Variants in RAP1GDS1 observed in about 807,000 individuals in gnomAD.
The protein encoded by RAP1GDS1 is Rap1 GTPase-GDP dissociation stimulator 1, also known as RAP1, GTP-GDP dissociation stimulator 1.
In RAP1GDS1, 35 loss-of-function variants were observed where a neutral mutation model predicts 71.1. That is an observed-to-expected ratio of 0.49 (90% CI 0.38 to 0.65). The LOEUF is 0.65. Ranked by LOEUF, RAP1GDS1 falls within the 30% of genes least tolerant of loss-of-function variation. The probability of loss-of-function intolerance (pLI) is 0.00; values close to 1 mark genes in which losing one functional copy is unlikely to be tolerated. For missense variants in RAP1GDS1, 663 were observed against 706.1 expected, an observed-to-expected ratio of 0.94 and a Z score of 0.69; for synonymous variants, 229 against 243.1, an observed-to-expected ratio of 0.94 and a Z score of 0.54.
intron 4 of RAP1GDS1, among the ~76,000 whole-genome samples, chr4:98,367,678 G>A (rs553013883): frequency 2.4e-4 from 37 of 152,332 alleles, no homozygotes; most frequent in Non-Finnish European, 4.7e-4. Context: ...TGTGAGACAT[G>A]GAGTCAAAAG....
At chr4:98,389,090 C>A (rs1015621039) in intron 5 of RAP1GDS1, among the ~76,000 whole-genome samples, 1 of 149,108 alleles carries the variant, frequency 6.7e-6, no homozygotes, top group African/African-American at 2.6e-5. Flanking sequence ...AAAATGCCAG[C>A]AGTTTTACCT....
At chr4:98,433,909 A>C in intron 12 of RAP1GDS1, 27 bp from the exon 13 acceptor site, 1 of 1,581,246 alleles carries the variant, frequency 6.3e-7, no homozygotes, top group Non-Finnish European at 8.7e-7. Context: ...ATTAAAGTCT[A>C]TAATTCTCTG....
Position 98,261,638 on chromosome 4 carries a change from A to G in RAP1GDS1, c.4+69A>G. 4 of 1,535,604 alleles carry G rather than the reference A, an allele frequency of 2.6e-6. No homozygotes were observed. The South Asian group carries it at 3.5e-5, about 13-fold the overall frequency. ...TTTCTCGGCGTGCTGCAGGGTGGGA[A>G]GCATTTCTCGCGCAAAGTTGCCGGA... On this transcript the variant is annotated intron_variant, in intron 1 of 14. Transcript: ENST00000408927.
chr4:98,381,525 G>A (rs1284972501), intron 5 of RAP1GDS1, among the ~76,000 whole-genome samples: 1 of 151,390 alleles, frequency 6.6e-6, no homozygotes, highest in Non-Finnish European at 1.5e-5. Context: ...CATCTTTACT[G>A]ACTCAGATTG....
intron 12 of RAP1GDS1, among the ~76,000 whole-genome samples, chr4:98,424,783 AAAAC>A (rs1297819986): frequency 1.3e-5 from 2 of 150,110 alleles, no homozygotes; most frequent in Admixed American, 6.8e-5. Context: ...AAAAAAAAAA[AAAAC>A]AAAGAAAACT....
chr4:98,279,658 G>A (rs1022913530), intron 1 of RAP1GDS1, among the ~76,000 whole-genome samples: 10 of 151,928 alleles, frequency 6.6e-5, no homozygotes, highest in African/African-American at 2.4e-4. Flanking sequence ...TGTGCACAAC[G>A]TACAGGTTTG....
chr4:98,287,480 G>T (rs763392137), intron 1 of RAP1GDS1, among the ~76,000 whole-genome samples: 1 of 152,128 alleles, frequency 6.6e-6, no homozygotes, highest in South Asian at 2.1e-4. Context: ...GGATAGATGT[G>T]TGTGTAAGTG....
intron 5 of RAP1GDS1, among the ~76,000 whole-genome samples, chr4:98,385,579 A>T (rs1214836632): frequency 2.0e-5 from 3 of 151,944 alleles, no homozygotes; most frequent in Admixed American, 6.6e-5. Flanking sequence ...TATGAAGATT[A>T]TTAATCCTGT....
intron 7 of RAP1GDS1, among the ~76,000 whole-genome samples, chr4:98,405,558 T>C (rs1241638759): frequency 6.6e-6 from 1 of 151,964 alleles, no homozygotes; most frequent in Non-Finnish European, 1.5e-5. Context: ...GAGGCAATAT[T>C]TGAAGAAATT....
chr4:98,394,267 A>G lies in RAP1GDS1; in HGVS notation c.637+2187A>G, dbSNP rs73834469. 5.0e-3 allele frequency among the ~76,000 whole-genome samples: 760 copies of G among 152,202 alleles called. 7 individuals carry two copies. The highest frequency in any genetic ancestry group is 0.018 in the South Asian group (87 of 4,820). ...CTGTGCAGAACTCCTGCTTGACCTCATGAGAGGAGAGTTGTTTGTTACCCC... is the reference window on the plus strand; with the variant it reads ...CTGTGCAGAACTCCTGCTTGACCTCGTGAGAGGAGAGTTGTTTGTTACCCC... On this transcript the variant is annotated intron_variant, in intron 6 of 14. Transcript: ENST00000408927.
intron 1 of RAP1GDS1, among the ~76,000 whole-genome samples, chr4:98,288,602 A>G (rs899383468): frequency 3.3e-5 from 5 of 152,146 alleles, no homozygotes; most frequent in Admixed American, 6.5e-5. Context: ...CTGAGGAATC[A>G]CCACACTGAC....
At chr4:98,379,239 A>T in intron 5 of RAP1GDS1, 76 bp downstream of exon 5, 1 of 1,265,930 alleles carries the variant, frequency 7.9e-7, no homozygotes, top group Non-Finnish European at 1.0e-6. Flanking sequence ...CAAAACAAAA[A>T]TATTTGAAAA....
chr4:98,334,048 G>A (rs978653856), intron 2 of RAP1GDS1, among the ~76,000 whole-genome samples: 18 of 152,200 alleles, frequency 1.2e-4, no homozygotes, highest in African/African-American at 4.1e-4. Flanking sequence ...TTTAAAACCA[G>A]CTTATTTATC....
At chr4:98,296,059 A>AAC (rs1727699309) in intron 2 of RAP1GDS1, among the ~76,000 whole-genome samples, 4 of 139,304 alleles carry the variant, frequency 2.9e-5, no homozygotes, top group Admixed American at 2.2e-4. Context: ...ACAACAACAA[A>AAC]AACACAGAGA....
intron 5 of RAP1GDS1, among the ~76,000 whole-genome samples, chr4:98,379,747 A>G (rs1301096738): frequency 6.6e-6 from 1 of 151,900 alleles, no homozygotes; most frequent in Non-Finnish European, 1.5e-5. Flanking sequence ...GGTTAATTAA[A>G]TGCATATAAA....
At chr4:98,312,380 A>T (rs1730359116) in intron 2 of RAP1GDS1, among the ~76,000 whole-genome samples, 1 of 152,142 alleles carries the variant, frequency 6.6e-6, no homozygotes, top group Non-Finnish European at 1.5e-5. Flanking sequence ...TCTTTCTGTC[A>T]GCTGCTGCTC....
intron 1 of RAP1GDS1, among the ~76,000 whole-genome samples, chr4:98,278,684 T>G (rs1724590042): frequency 6.6e-6 from 1 of 152,192 alleles, no homozygotes; most frequent in Non-Finnish European, 1.5e-5. Context: ...CTTAAGATAT[T>G]ATCATTGTCA....
intron 2 of RAP1GDS1, among the ~76,000 whole-genome samples, chr4:98,308,332 T>TATATATAC (rs56135677): frequency 7.3e-6 from 1 of 137,118 alleles, no homozygotes; most frequent in African/African-American, 2.7e-5. Flanking sequence ...TATATATATA[T>TATATATAC]GCGCCAGGCA....
chr4:98,438,812 A>G (rs1299771424), intron 14 of RAP1GDS1, among the ~76,000 whole-genome samples: 2 of 151,678 alleles, frequency 1.3e-5, no homozygotes. Flanking sequence ...CCAGGCTGAT[A>G]CTGAACTCCT....
Sources: allele counts gnomAD v4.1 joint callset (sites outside exome capture counted in the v4.1 genomes callset), GRCh38; gene constraint gnomAD v4.1.1; transcripts MANE v1.5; gene names NCBI Gene and HGNC (gene_info 2026-07-23, HGNC 2026-07-21).